SULF1: variants seen among roughly 807,000 people sequenced by gnomAD.
The protein encoded by SULF1 is sulfatase 1, also known as extracellular sulfatase Sulf-1.
Under a neutral mutation model 110.5 loss-of-function variants are expected in SULF1, and 46 were observed. The ratio of observed to expected loss-of-function variants is 0.42; its 90% CI spans 0.33 to 0.53. SULF1 has a LOEUF of 0.53. Among genes scored for constraint, SULF1 ranks in the 20% least tolerant of loss-of-function variants. The pLI is 0.12. For missense variants in SULF1, 941 were observed against 1,094.2 expected (o/e 0.86, Z 1.98); for synonymous variants, 371 against 387.1 (o/e 0.96, Z 0.49).
chr8:69,468,110 T>C (rs1808933209), intron 1 of SULF1, among the ~76,000 whole-genome samples: 3 of 152,242 alleles, frequency 2.0e-5, no homozygotes, highest in Non-Finnish European at 4.4e-5. Context: ...CCTAATATAC[T>C]TGCCCTCCGA....
intron 3 of SULF1, among the ~76,000 whole-genome samples, chr8:69,538,347 A>G (rs1478153080): frequency 7.0e-6 from 1 of 141,924 alleles, no homozygotes; most frequent in Admixed American, 7.5e-5. Flanking sequence ...ATGCAATGCC[A>G]TGAACATTAA....
At chr8:69,631,224 T>C (rs1810514360) in intron 19 of SULF1, among the ~76,000 whole-genome samples, 1 of 152,206 alleles carries the variant, frequency 6.6e-6, no homozygotes, top group Non-Finnish European at 1.5e-5. Context: ...AGCTGAAGCA[T>C]TGCAAAACAC....
At chr8:69,542,058 C>T (rs1209156069) in intron 3 of SULF1, among the ~76,000 whole-genome samples, 11 of 152,104 alleles carry the variant, frequency 7.2e-5, no homozygotes, top group African/African-American at 2.7e-4. Flanking sequence ...TTCTTTACAG[C>T]GCTGTCATTC....
intron 8 of SULF1, among the ~76,000 whole-genome samples, chr8:69,592,441 T>C (rs115056180): frequency 3.0e-4 from 45 of 152,334 alleles, no homozygotes; most frequent in Middle Eastern, 3.4e-3. Context: ...CAAATGAACC[T>C]TCTATTGCCC....
At chr8:69,604,094 A>G (rs1000957862) in intron 12 of SULF1, among the ~76,000 whole-genome samples, 6 of 152,160 alleles carry the variant, frequency 3.9e-5, no homozygotes, top group Admixed American at 1.3e-4. Flanking sequence ...CCCCCAAAAT[A>G]TGTATAATTG....
At chr8:69,507,121 G>T (rs1034692074) in intron 3 of SULF1, among the ~76,000 whole-genome samples, 3 of 152,194 alleles carry the variant, frequency 2.0e-5, no homozygotes, top group African/African-American at 7.2e-5. Context: ...CACAGTTTAG[G>T]ATAGAAAAAG....
At chr8:69,600,774 CAGTGAT>C (rs1461151379) in intron 9 of SULF1, 21 bp downstream of exon 9, 1 of 1,605,580 alleles carries the variant, frequency 6.2e-7, no homozygotes, top group South Asian at 1.1e-5. Flanking sequence ...GAACCTACCT[CAGTGAT>C]AGTTTTTGGC....
intron 15 of SULF1, among the ~76,000 whole-genome samples, 195 bp downstream of exon 15, chr8:69,624,392 G>A (rs1312174133): frequency 6.6e-6 from 1 of 152,208 alleles, no homozygotes; most frequent in African/African-American, 2.4e-5. Context: ...CATGCTTTGG[G>A]TTTGATTTCA....
At chr8:69,589,240 A>T (rs1483501004) in intron 8 of SULF1, 99 bp downstream of exon 8, 51 of 1,181,680 alleles carry the variant, frequency 4.3e-5, no homozygotes, top group Non-Finnish European at 5.9e-5. Context: ...CACCCTGCGT[A>T]TCCACAAGGC....
intron 8 of SULF1, among the ~76,000 whole-genome samples, chr8:69,591,292 C>T (rs941802438): frequency 6.6e-6 from 1 of 151,998 alleles, no homozygotes; most frequent in Non-Finnish European, 1.5e-5. Context: ...CGGTGGCTCA[C>T]GCCTGTAATC....
chr8:69,658,639 G>T lies in SULF1; in HGVS notation c.*104G>T. 1.1e-6 allele frequency: 1 copy of T among 932,730 alleles called. No homozygotes were observed. The highest frequency in any genetic ancestry group is 1.8e-6 in the Non-Finnish European group (1 of 564,938). The allele number at this position is 932,730 out of a possible 1,614,324, so 57.8% of individuals were successfully genotyped here. On this transcript the variant is annotated 3_prime_UTR_variant, in exon 23 of 23. Transcript: ENST00000402687. ...CAGACAAAACTACAGACTTAGTCTG[G>T]TGGACTGGACTAATTACTTGAAGGA...
chr8:69,614,574 C>T (rs565856333), intron 13 of SULF1, among the ~76,000 whole-genome samples: 3 of 152,250 alleles, frequency 2.0e-5, no homozygotes, highest in Non-Finnish European at 4.4e-5. Context: ...ACCAAACTAG[C>T]TGCACACTAT....
intron 1 of SULF1, 117 bp from the exon 2 acceptor site, chr8:69,495,648 G>T (rs1320858603): frequency 7.9e-5 from 12 of 152,332 alleles, no homozygotes. Context: ...TACTTCTTCA[G>T]AGACTTCAGA....
Position 69,629,505 on chromosome 8 carries a change from G to C in SULF1, c.2110G>C (p.Glu704Gln). The change falls in exon 19 of 23, where the codon GAG (glutamate) becomes CAG (glutamine). Residue 704 changes from glutamate (E) to glutamine (Q), a missense_variant and splice_region_variant. By Grantham distance (29) the Glu-to-Gln change is conservative. This residue lies in a region of SULF1 where 822 missense variants were observed against 934.3 expected (regional missense o/e 0.88). Coordinates refer to ENST00000402687, the MANE Select transcript of SULF1 (RefSeq NM_001128205.2). Reference protein sequence around the residue: ...KLKSHLHPFKEAAQEVDSKLQ... With the variant: ...KLKSHLHPFKQAAQEVDSKLQ... Reference sequence around the variant, plus strand: ...AAATAATCCCTTCTCTTGGAACAGGGAGGCTGCTCAGGAAGTAGATAGCAA... The same window carrying C: ...AAATAATCCCTTCTCTTGGAACAGGCAGGCTGCTCAGGAAGTAGATAGCAA... 6.2e-7 allele frequency: 1 copy of C among 1,610,800 alleles called. No homozygotes were observed. Among genetic ancestry groups the C allele is most frequent in the South Asian group, 1.1e-5 (1 of 90,444 alleles).
intron 3 of SULF1, among the ~76,000 whole-genome samples, chr8:69,517,834 A>G (rs764763620): frequency 6.6e-6 from 1 of 152,216 alleles, no homozygotes; most frequent in Non-Finnish European, 1.5e-5. Flanking sequence ...ACAGACCACA[A>G]TCATGCTAAC....
In SULF1 at chr8:69,624,599, A is replaced by G. The variant is rs117204892; in HGVS notation, c.1850+402A>G. Among the ~76,000 whole-genome samples the G allele has an allele frequency of 2.5e-3, 384 of 152,360 alleles. 1 individual carries two copies. The highest frequency in any genetic ancestry group is 8.7e-3 in the East Asian group (45 of 5,190). On this transcript the variant is annotated intron_variant, in intron 15 of 22. Coordinates refer to ENST00000402687, the MANE Select transcript of SULF1 (RefSeq NM_001128205.2). ...GGCTGGAAGTTCTTCCATGTTACAC[A>G]ATCACTGTCACTTGGAGCAGTTGTG...
chr8:69,649,132 A>T (rs186216686), intron 22 of SULF1, among the ~76,000 whole-genome samples: 128 of 152,370 alleles, frequency 8.4e-4, no homozygotes, highest in African/African-American at 3.0e-3. Context: ...ACCAGGAGAC[A>T]CATGGAAAAT....
At chr8:69,650,868 A>G (rs1372452440) in intron 22 of SULF1, among the ~76,000 whole-genome samples, 13 of 151,838 alleles carry the variant, frequency 8.6e-5, no homozygotes, top group Non-Finnish European at 1.5e-5. Flanking sequence ...TTGCCACTCC[A>G]CATTTGGAAA....
intron 21 of SULF1, among the ~76,000 whole-genome samples, chr8:69,639,085 C>A (rs1264221686): frequency 5.3e-5 from 8 of 152,192 alleles, no homozygotes; most frequent in African/African-American, 1.9e-4. Context: ...CTTCCAATAT[C>A]TCCCACAGGT....
Sources: gnomAD v4.1 joint callset for allele counts (sites outside exome capture counted in the v4.1 genomes callset) on GRCh38, gnomAD v4.1.1 for gene constraint, gnomAD v4.1.1 regional missense constraint, MANE v1.5 for transcripts, NCBI Gene and HGNC (gene_info 2026-07-23, HGNC 2026-07-21) for gene names.